The following RABGAP1 variants were observed in gnomAD, a reference collection of about 807,000 sequenced individuals.
RABGAP1 encodes rab GTPase-activating protein 1.
Under a neutral mutation model 137.6 loss-of-function variants are expected in RABGAP1, and 23 were observed. The observed-to-expected ratio is 0.17, with a 90% CI of 0.12 to 0.24. RABGAP1 has a LOEUF of 0.24. RABGAP1 is among the 10% of genes least tolerant of loss of function. The pLI is 1.00. For missense variants in RABGAP1, 906 were observed against 1,275.8 expected, an observed-to-expected ratio of 0.71 and a Z score of 4.42; for synonymous variants, 451 against 450.7, an observed-to-expected ratio of 1.00 and a Z score of -0.01.
chr9:122,946,180 T>C (rs1833939752), intron 1 of RABGAP1: 1 of 151,938 alleles, frequency 6.6e-6, no homozygotes, highest in East Asian at 1.9e-4. Flanking sequence ...TGCCAAACAT[T>C]CATGGTTTGC....
chr9:123,052,511 A>T (rs943169317), intron 13 of RABGAP1, among the ~76,000 whole-genome samples: 2 of 152,228 alleles, frequency 1.3e-5, no homozygotes, highest in Non-Finnish European at 2.9e-5. Context: ...ACTTTGTGTC[A>T]GATACTCTTC....
At chr9:123,097,127 C>G (rs187761823) in intron 21 of RABGAP1, among the ~76,000 whole-genome samples, 1 of 152,156 alleles carries the variant, frequency 6.6e-6, no homozygotes, top group African/African-American at 2.4e-5. Context: ...ACTCGTATGT[C>G]AGGCAAAAGT....
chr9:123,074,349 C>T lies in RABGAP1; in HGVS notation c.2174C>T (p.Ser725Phe). Reference protein sequence around the residue: ...DISLEAHMYASQWFLTLFTAK... With the variant: ...DISLEAHMYAFQWFLTLFTAK... ...AGCCTTGAAGCACACATGTATGCCTCCCAGTGGTTTCTTACTCTTTTCACT... is the reference window on the plus strand; with the variant it reads ...AGCCTTGAAGCACACATGTATGCCTTCCAGTGGTTTCTTACTCTTTTCACT... The change falls in exon 17 of 26, where the codon TCC becomes TTC. Residue 725 changes from serine to phenylalanine, a missense_variant. By Grantham distance (155) the Ser-to-Phe change is radical (BLOSUM62 -2). Around this residue, in one of 9 missense-constraint regions of RABGAP1, gnomAD observed 19 missense variants for 63.0 expected, o/e 0.30. Transcript: ENST00000373647. 6.2e-7 allele frequency: 1 copy of T among 1,613,524 alleles called. No individual in the cohort carries two copies. Among genetic ancestry groups the T allele is most frequent in the Non-Finnish European group, 8.5e-7 (1 of 1,179,550 alleles).
intron 6 of RABGAP1, among the ~76,000 whole-genome samples, chr9:122,995,053 G>T (rs919177071): frequency 2.0e-5 from 3 of 152,140 alleles, no homozygotes; most frequent in African/African-American, 7.2e-5. Flanking sequence ...GGAGTTTGAG[G>T]CTGTAGTGAA....
rs528431478 is a variant in RABGAP1 at position 123,066,024 on chromosome 9, G to A, written c.1908+563G>A. ...ATTGGGTTATAAAAGGAGGAGATAG[G>A]AACGGAGTTTTTCAGTCTTCATCTG... is the stretch of plus-strand genomic sequence containing the variant. On this transcript the variant is annotated intron_variant, in intron 14 of 25. Coordinates refer to ENST00000373647, the MANE Select transcript of RABGAP1 (RefSeq NM_012197.4). Among the ~76,000 whole-genome samples, 5 of 152,328 alleles carry A rather than the reference G, an allele frequency of 3.3e-5. No homozygotes were observed. In the East Asian group the frequency reaches 9.6e-4, roughly 29 times the overall value.
At chr9:123,025,175 T>C (rs769281227) in intron 13 of RABGAP1, among the ~76,000 whole-genome samples, 1 of 152,234 alleles carries the variant, frequency 6.6e-6, no homozygotes, top group Non-Finnish European at 1.5e-5. Context: ...TCCTACTCAG[T>C]AGAACTACCA....
At chr9:123,079,796 G>A (rs2034651182) in intron 19 of RABGAP1, among the ~76,000 whole-genome samples, 1 of 151,936 alleles carries the variant, frequency 6.6e-6, no homozygotes, top group African/African-American at 2.4e-5. Context: ...TATATCCACA[G>A]CTTCTCAAAT....
At chr9:123,009,204 A>G (rs926579317) in intron 10 of RABGAP1, among the ~76,000 whole-genome samples, 3 of 152,252 alleles carry the variant, frequency 2.0e-5, no homozygotes, top group South Asian at 2.1e-4. Flanking sequence ...AATAGAGACA[A>G]CTGGCCCATA....
intron 11 of RABGAP1, among the ~76,000 whole-genome samples, chr9:123,012,820 T>G (rs1033242478): frequency 6.6e-6 from 1 of 152,226 alleles, no homozygotes; most frequent in African/African-American, 2.4e-5. Flanking sequence ...ACAGGAGAAC[T>G]GGGACTAAAG....
chr9:123,056,982 G>A (rs1442191001), intron 13 of RABGAP1, among the ~76,000 whole-genome samples: 1 of 152,174 alleles, frequency 6.6e-6, no homozygotes, highest in Non-Finnish European at 1.5e-5. Flanking sequence ...TTCTCAATGA[G>A]CTATTGGGTA....
intron 8 of RABGAP1, chr9:122,997,005 C>A: frequency 5.1e-6 from 3 of 584,366 alleles, no homozygotes; most frequent in Non-Finnish European, 6.3e-6. Context: ...AAGAAGAATT[C>A]AACATTGGAT....
At chr9:123,024,710 T>C (rs1160002505) in intron 13 of RABGAP1, among the ~76,000 whole-genome samples, 2 of 152,162 alleles carry the variant, frequency 1.3e-5, no homozygotes, top group African/African-American at 4.8e-5. Context: ...AGTTCTGGGA[T>C]TACAGGCATG....
At chr9:122,960,982 A>G (rs946896314) in intron 2 of RABGAP1, among the ~76,000 whole-genome samples, 7 of 152,188 alleles carry the variant, frequency 4.6e-5, no homozygotes, top group African/African-American at 1.4e-4. Flanking sequence ...CTCAAAGAAC[A>G]TGAAGAAAAA....
intron 2 of RABGAP1, among the ~76,000 whole-genome samples, chr9:122,971,010 ATTCTT>A (rs545641085): frequency 6.7e-4 from 102 of 152,342 alleles, no homozygotes; most frequent in Non-Finnish European, 1.4e-3. Context: ...GGAATTTTCT[ATTCTT>A]TATAACCAAA....
chr9:122,944,296 C>T (rs943043770), intron 1 of RABGAP1, among the ~76,000 whole-genome samples: 1 of 149,534 alleles, frequency 6.7e-6, no homozygotes, highest in African/African-American at 2.5e-5. Flanking sequence ...GTAGTGCTGT[C>T]GTAGCTCACC....
chr9:122,988,161 T>C (rs1231241472), intron 4 of RABGAP1, among the ~76,000 whole-genome samples: 1 of 152,256 alleles, frequency 6.6e-6, no homozygotes, highest in Non-Finnish European at 1.5e-5. Context: ...TAGACTTTAA[T>C]ATATTTTTAA....
At chr9:123,006,530 C>T (rs1281117582) in intron 10 of RABGAP1, among the ~76,000 whole-genome samples, 3 of 152,106 alleles carry the variant, frequency 2.0e-5, no homozygotes, top group Non-Finnish European at 4.4e-5. Context: ...GTGTTTGAAC[C>T]TCTTTCTGGT....
intron 4 of RABGAP1, 29 bp from the exon 5 acceptor site, chr9:122,989,268 A>C (rs1836539281): frequency 6.3e-7 from 1 of 1,580,188 alleles, no homozygotes; most frequent in South Asian, 1.1e-5. Flanking sequence ...TAATTCCTGT[A>C]ATCTCTCTGT....
chr9:122,980,089 T>C (rs146659471), intron 2 of RABGAP1, among the ~76,000 whole-genome samples: 455 of 152,348 alleles, frequency 3.0e-3, no homozygotes, highest in African/African-American at 0.01. Context: ...AATTGGAACA[T>C]AGCCACATTA....
Sources: allele counts gnomAD v4.1 joint callset (sites outside exome capture counted in the v4.1 genomes callset), GRCh38; gene constraint gnomAD v4.1.1; regional missense constraint gnomAD v4.1.1; transcripts MANE v1.5; gene names NCBI Gene and HGNC (gene_info 2026-07-23, HGNC 2026-07-21).